The following IL1RAPL1 variants were observed in gnomAD, a reference collection of about 807,000 sequenced individuals.
The protein encoded by IL1RAPL1 is interleukin-1 receptor accessory protein-like 1.
Under a neutral mutation model 48.4 loss-of-function variants are expected in IL1RAPL1, and 3 were observed. The ratio of observed to expected loss-of-function variants is 0.06; its 90% CI spans 0.03 to 0.16. The LOEUF (loss-of-function observed/expected upper bound fraction) is 0.16, where lower values mean the gene tolerates loss of function less well. Ranked by LOEUF, IL1RAPL1 falls within the 10% of genes least tolerant of loss-of-function variation. IL1RAPL1 has a pLI of 1.00. For synonymous variants in IL1RAPL1, 185 were observed against 187.7 expected (o/e 0.99, Z 0.12); for missense variants, 349 against 530.6 (o/e 0.66, Z 3.36).
At chrX:28,915,792 A>G (rs752815420) in intron 2 of IL1RAPL1, among the ~76,000 whole-genome samples, 1 of 111,510 alleles carries the variant, frequency 9.0e-6, no homozygotes, top group Non-Finnish European at 1.9e-5. Flanking sequence ...TTACAATTCA[A>G]CAGCACCTGT....
intron 6 of IL1RAPL1, among the ~76,000 whole-genome samples, chrX:29,808,908 A>G (rs182979374): frequency 9.0e-6 from 1 of 110,839 alleles, no homozygotes; most frequent in Non-Finnish European, 1.9e-5. Context: ...AAATATTTTT[A>G]TATGCCAGCC....
chrX:29,337,371 G>GTA (rs1933010322), intron 3 of IL1RAPL1, among the ~76,000 whole-genome samples: 1 of 111,744 alleles, frequency 8.9e-6, no homozygotes, highest in Non-Finnish European at 1.9e-5. Context: ...AGATAAAAGA[G>GTA]TATACATTTA....
intron 2 of IL1RAPL1, among the ~76,000 whole-genome samples, chrX:29,215,658 GA>G (rs1930853322): frequency 9.0e-6 from 1 of 111,348 alleles, no homozygotes; most frequent in South Asian, 3.8e-4. Flanking sequence ...GAAAATCTAG[GA>G]AAAATAATAA....
intron 1 of IL1RAPL1, among the ~76,000 whole-genome samples, chrX:28,735,751 C>T (rs1452573022): frequency 1.8e-5 from 2 of 110,325 alleles, no homozygotes; most frequent in African/African-American, 3.3e-5. Context: ...GACTGGACAG[C>T]AGGGCAATAC....
At chrX:28,642,253 C>T (rs1331631170) in intron 1 of IL1RAPL1, among the ~76,000 whole-genome samples, 5 of 111,087 alleles carry the variant, frequency 4.5e-5, no homozygotes, top group African/African-American at 9.8e-5. Context: ...GACAGATCAT[C>T]GAGATGGAAA....
At position 28,809,286 on chromosome X, in the gene IL1RAPL1, G is replaced by T. The variant is rs745736429; in HGVS notation, c.82+19861G>T. Reference sequence around the variant, plus strand: ...AAATGATACATGCATTTCTCATGAAGAGTACAGCCTAGTGGGCTTAAATAA... The same window carrying T: ...AAATGATACATGCATTTCTCATGAATAGTACAGCCTAGTGGGCTTAAATAA... On this transcript the variant is annotated intron_variant, in intron 2 of 10. Transcript: ENST00000378993. Among the ~76,000 whole-genome samples, 12 of 110,620 alleles carry T rather than the reference G, an allele frequency of 1.1e-4. No homozygotes were observed. In the South Asian group the frequency reaches 4.1e-3, roughly 38 times the overall value.
At chrX:29,089,423 CA>C (rs1444470595) in intron 2 of IL1RAPL1, among the ~76,000 whole-genome samples, 2 of 109,652 alleles carry the variant, frequency 1.8e-5, no homozygotes, top group Admixed American at 9.8e-5. Context: ...TTGTAGTCTA[CA>C]GTTTATAATT....
At chrX:29,834,463 C>A (rs1336399555) in intron 6 of IL1RAPL1, among the ~76,000 whole-genome samples, 1 of 109,580 alleles carries the variant, frequency 9.1e-6, no homozygotes, top group Non-Finnish European at 1.9e-5. Context: ...CAACGCTACC[C>A]CTTGCCAAGA....
chrX:29,223,914 A>G (rs1931031608), intron 2 of IL1RAPL1, among the ~76,000 whole-genome samples: 1 of 111,396 alleles, frequency 9.0e-6, no homozygotes, highest in Non-Finnish European at 1.9e-5. Flanking sequence ...TATTTTGTGC[A>G]TATATAAACA....
intron 2 of IL1RAPL1, among the ~76,000 whole-genome samples, chrX:28,949,857 A>C (rs1924405199): frequency 9.1e-6 from 1 of 109,868 alleles, no homozygotes; most frequent in African/African-American, 3.3e-5. Context: ...TCAGATGAGT[A>C]GGTTGCGAAA....
At position 28,975,605 on chromosome X, in the gene IL1RAPL1, G is replaced by T. The variant is rs184928799; in HGVS notation, c.82+186180G>T. Among the ~76,000 whole-genome samples, 1,090 of 112,281 alleles carry T rather than the reference G, an allele frequency of 9.7e-3. 13 individuals are homozygous for T. Among genetic ancestry groups the T allele is most frequent in the Non-Finnish European group, 0.016 (861 of 53,247 alleles). On this transcript the variant is annotated intron_variant, in intron 2 of 10. Transcript: ENST00000378993. The stretch of plus-strand genomic sequence containing the variant: ...CCAAGTGTTCATTCAATCTGCACAT[G>T]TTCCTGAACACCTATGAAGTCTCTT...
intron 6 of IL1RAPL1, among the ~76,000 whole-genome samples, chrX:29,778,567 C>T (rs1354002513): frequency 8.9e-6 from 1 of 112,020 alleles, no homozygotes; most frequent in East Asian, 2.8e-4. Context: ...AATGAACACC[C>T]TGTCTCTTTT....
chrX:28,763,628 C>T (rs1284811150), intron 1 of IL1RAPL1, among the ~76,000 whole-genome samples: 2 of 111,428 alleles, frequency 1.8e-5, no homozygotes, highest in African/African-American at 6.5e-5. Flanking sequence ...GCCGTACTTA[C>T]CTCAGAATCA....
chrX:29,379,586 G>A (rs1933668026), intron 3 of IL1RAPL1, among the ~76,000 whole-genome samples: 1 of 111,692 alleles, frequency 9.0e-6, no homozygotes, highest in African/African-American at 3.3e-5. Flanking sequence ...TAGGATCCCA[G>A]AGGTTCACAG....
chrX:28,747,510 G>C lies in IL1RAPL1; in HGVS notation c.-24-41810G>C, dbSNP rs187221598. Among the ~76,000 whole-genome samples, 615 of 110,512 alleles carry C rather than the reference G, an allele frequency of 5.6e-3. 2 individuals carry two copies. The highest frequency in any genetic ancestry group is 9.9e-3 in the Non-Finnish European group (524 of 52,849). ...ACAAAAATTAGCCGTGGGTGGTGGC[G>C]CACACCTGTAATCCCAGCGACTCGG... On this transcript the variant is annotated intron_variant, in intron 1 of 10. Transcript: ENST00000378993.
chrX:29,634,165 C>T (rs1027294509), intron 5 of IL1RAPL1, among the ~76,000 whole-genome samples: 5 of 111,775 alleles, frequency 4.5e-5, no homozygotes, highest in Non-Finnish European at 7.5e-5. Context: ...GTTGCCAGTG[C>T]GAAGCAACTC....
At position 28,996,620 on chromosome X, in the gene IL1RAPL1, T is replaced by TTGTGTG. The variant is rs59015501; in HGVS notation, c.82+207210_82+207215dup. On this transcript the variant is annotated intron_variant, in intron 2 of 10. Transcript: ENST00000378993. ...TTGATCTCCACCAACAATTGTTATT[T>TTGTGTG]TGTGTGTGTGTGTGTGTGTGATACA... Among the ~76,000 whole-genome samples the TTGTGTG allele has an allele frequency of 3.5e-3, 378 of 108,386 alleles. 3 individuals are homozygous for TTGTGTG. Among genetic ancestry groups the TTGTGTG allele is most frequent in the African/African-American group, 0.012 (344 of 29,675 alleles). The allele number at this position is 108,386 out of a possible 115,157, so 94.1% of individuals were successfully genotyped here. A position where few individuals can be genotyped will look rare whatever the true frequency, so the allele number is the denominator to read the frequency against.
At chrX:29,448,010 C>T (rs761473585) in intron 5 of IL1RAPL1, among the ~76,000 whole-genome samples, 8 of 111,521 alleles carry the variant, frequency 7.2e-5, no homozygotes, top group Non-Finnish European at 1.5e-4. Context: ...GGTATAACTT[C>T]AAGTACATTT....
At chrX:28,994,253 C>A (rs1334435548) in intron 2 of IL1RAPL1, among the ~76,000 whole-genome samples, 1 of 110,972 alleles carries the variant, frequency 9.0e-6, no homozygotes, top group Non-Finnish European at 1.9e-5. Flanking sequence ...TTTGGAAAGA[C>A]CTCTTTGATT....
Sources: allele counts gnomAD v4.1 joint callset (sites outside exome capture counted in the v4.1 genomes callset), GRCh38; gene constraint gnomAD v4.1.1; transcripts MANE v1.5; gene names NCBI Gene and HGNC (gene_info 2026-07-23, HGNC 2026-07-21).